The following PTPRT variants were observed in gnomAD, a reference collection of about 807,000 sequenced individuals.
The protein encoded by PTPRT is protein tyrosine phosphatase receptor type T.
A neutral mutation model predicts 176.8 loss-of-function variants in PTPRT; 56 were observed. The observed-to-expected ratio is 0.32, with a 90% CI of 0.26 to 0.40. PTPRT has a LOEUF of 0.40. PTPRT is among the 10% of genes least tolerant of loss of function. The probability of loss-of-function intolerance (pLI) is 1.00; values close to 1 mark genes in which losing one functional copy is unlikely to be tolerated. For synonymous variants in PTPRT, 783 were observed against 739.0 expected, an observed-to-expected ratio of 1.06 and a Z score of -0.96; for missense variants, 1,540 against 1,908.2, an observed-to-expected ratio of 0.81 and a Z score of 3.60.
intron 9 of PTPRT, among the ~76,000 whole-genome samples, chr20:42,389,226 G>T (rs2058775780): frequency 6.6e-6 from 1 of 151,952 alleles, no homozygotes; most frequent in South Asian, 2.1e-4. Flanking sequence ...GTATACATAT[G>T]TAACTAACCT....
At chr20:42,662,091 G>T (rs2075233657) in intron 7 of PTPRT, among the ~76,000 whole-genome samples, 1 of 152,190 alleles carries the variant, frequency 6.6e-6, no homozygotes, top group Admixed American at 6.5e-5. Context: ...GGAAGGCCTA[G>T]GGCCTAGGTA....
chr20:42,380,164 T>C (rs1213094601), intron 9 of PTPRT, among the ~76,000 whole-genome samples: 2 of 152,312 alleles, frequency 1.3e-5, no homozygotes, highest in South Asian at 2.1e-4. Flanking sequence ...TTTAAAAACC[T>C]TGAACTTCAG....
At position 42,847,892 on chromosome 20, in the gene PTPRT, A is replaced by G. The variant is rs1295030352; in HGVS notation, c.214+37915T>C. 2.0e-5 allele frequency among the ~76,000 whole-genome samples: 3 copies of G among 152,164 alleles called. No homozygotes were observed. The East Asian group carries it at 5.8e-4, about 29-fold the overall frequency. On this transcript the variant is annotated intron_variant, in intron 2 of 30. Transcript: ENST00000373187. ...CAGGTGGTATTTGGGTACATGACTA[A>G]GTTATATAGTGGTGATTTCTGAGAG...
intron 1 of PTPRT, among the ~76,000 whole-genome samples, chr20:43,090,381 C>G (rs948808111): frequency 3.3e-5 from 5 of 151,960 alleles, no homozygotes; most frequent in Non-Finnish European, 7.4e-5. Flanking sequence ...CATTCTCCTG[C>G]CTCAGCCTCC....
intron 6 of PTPRT, among the ~76,000 whole-genome samples, chr20:42,713,730 T>C (rs2076181229): frequency 6.6e-6 from 1 of 152,166 alleles, no homozygotes; most frequent in Non-Finnish European, 1.5e-5. Flanking sequence ...AGCGGATTTC[T>C]CACAAATAGT....
intron 7 of PTPRT, among the ~76,000 whole-genome samples, chr20:42,495,767 A>G (rs2071642192): frequency 6.6e-6 from 1 of 152,196 alleles, no homozygotes; most frequent in Non-Finnish European, 1.5e-5. Context: ...CAGCATTTCC[A>G]TGTAGGTATC....
chr20:42,938,901 G>A (rs960641506), intron 1 of PTPRT, among the ~76,000 whole-genome samples: 3 of 152,184 alleles, frequency 2.0e-5, no homozygotes, highest in Non-Finnish European at 1.5e-5. Context: ...AAAATAAAGT[G>A]CTTAGGCTTA....
chr20:42,476,524 A>G (rs2071292276), intron 7 of PTPRT, among the ~76,000 whole-genome samples: 1 of 152,212 alleles, frequency 6.6e-6, no homozygotes, highest in Admixed American at 6.5e-5. Flanking sequence ...AGGCAAAGGA[A>G]CCTTGGAAAA....
intron 13 of PTPRT, among the ~76,000 whole-genome samples, chr20:42,269,760 G>T (rs1240723935): frequency 6.6e-6 from 1 of 152,200 alleles, no homozygotes; most frequent in Non-Finnish European, 1.5e-5. Context: ...CAACGTAAAT[G>T]GTGCCCCATA....
intron 7 of PTPRT, among the ~76,000 whole-genome samples, chr20:42,575,758 G>T (rs1354131302): frequency 6.6e-6 from 1 of 152,042 alleles, no homozygotes; most frequent in East Asian, 1.9e-4. Flanking sequence ...GATTGCCAAG[G>T]CCTGTCGATG....
intron 1 of PTPRT, among the ~76,000 whole-genome samples, chr20:43,083,531 T>C (rs2011523976): frequency 6.6e-6 from 1 of 151,244 alleles, no homozygotes; most frequent in Non-Finnish European, 1.5e-5. Context: ...GGCTCATTTT[T>C]GTATTTTAAT....
intron 7 of PTPRT, among the ~76,000 whole-genome samples, chr20:42,476,592 A>C (rs943629147): frequency 6.6e-6 from 1 of 152,216 alleles, no homozygotes; most frequent in Non-Finnish European, 1.5e-5. Context: ...TGATTTTTCT[A>C]CTGGCTATGA....
chr20:42,513,864 T>G (rs2072008009), intron 7 of PTPRT, among the ~76,000 whole-genome samples: 1 of 152,162 alleles, frequency 6.6e-6, no homozygotes, highest in Admixed American at 6.6e-5. Flanking sequence ...GTTTAAGCCT[T>G]GATGTCAATG....
At chr20:43,127,989 T>C (rs2013507722) in intron 1 of PTPRT, among the ~76,000 whole-genome samples, 1 of 152,176 alleles carries the variant, frequency 6.6e-6, no homozygotes, top group Non-Finnish European at 1.5e-5. Context: ...TCTTTGATGG[T>C]GACAACTGCC....
intron 17 of PTPRT, 110 bp downstream of exon 17, chr20:42,161,242 G>T: frequency 7.9e-7 from 1 of 1,262,512 alleles, no homozygotes. Context: ...CACGCTCCCA[G>T]GTGATACTGA....
intron 1 of PTPRT, among the ~76,000 whole-genome samples, chr20:43,125,333 C>T (rs571013684): frequency 2.0e-5 from 3 of 152,162 alleles, no homozygotes; most frequent in Admixed American, 6.5e-5. Context: ...CTTCCTGGTG[C>T]CAAATTCCAC....
intron 1 of PTPRT, among the ~76,000 whole-genome samples, chr20:43,018,503 T>A (rs148887867): frequency 6.6e-6 from 1 of 152,234 alleles, no homozygotes; most frequent in Non-Finnish European, 1.5e-5. Context: ...GTTGACTGAT[T>A]GCATTTTTTA....
At chr20:42,836,081 C>T (rs941041292) in intron 2 of PTPRT, among the ~76,000 whole-genome samples, 1 of 152,058 alleles carries the variant, frequency 6.6e-6, no homozygotes. Flanking sequence ...GGTCAGCCAC[C>T]TCTCCCTAGC....
chr20:43,055,507 G>T (rs1309021374), intron 1 of PTPRT, among the ~76,000 whole-genome samples: 6 of 152,182 alleles, frequency 3.9e-5, no homozygotes, highest in African/African-American at 1.2e-4. Context: ...AGTGATTGTG[G>T]GCTGGGCCAA....
Sources: allele counts gnomAD v4.1 joint callset (sites outside exome capture counted in the v4.1 genomes callset), GRCh38; gene constraint gnomAD v4.1.1; transcripts MANE v1.5; gene names NCBI Gene and HGNC (gene_info 2026-07-23, HGNC 2026-07-21).